The following CTNNA3 variants were observed in gnomAD, a reference collection of about 807,000 sequenced individuals.
The protein encoded by CTNNA3 is catenin alpha-3.
CTNNA3 carries 76 observed loss-of-function variants against 95.7 expected under a neutral mutation model. The ratio of observed to expected loss-of-function variants is 0.79; its 90% CI spans 0.66 to 0.96. CTNNA3 has a LOEUF of 0.96. CTNNA3 is among the 40% of genes least tolerant of loss of function. The pLI is 0.00. For missense variants in CTNNA3, 1,191 were observed against 1,089.8 expected (o/e 1.09, Z -1.31); for synonymous variants, 431 against 374.4 (o/e 1.15, Z -1.74).
intron 7 of CTNNA3, among the ~76,000 whole-genome samples, chr10:66,957,425 T>C (rs201743298): frequency 1.5e-4 from 4 of 26,618 alleles, no homozygotes; most frequent in Admixed American, 3.2e-4. Context: ...CATATATATA[T>C]ATGCATATAT....
At chr10:65,924,692 A>G (rs2077139756) in intron 17 of CTNNA3, among the ~76,000 whole-genome samples, 1 of 152,180 alleles carries the variant, frequency 6.6e-6, no homozygotes, top group Non-Finnish European at 1.5e-5. Flanking sequence ...TACCATTTTT[A>G]GAGAATCCCC....
At chr10:66,207,332 C>T (rs1195789429) in intron 13 of CTNNA3, among the ~76,000 whole-genome samples, 1 of 151,776 alleles carries the variant, frequency 6.6e-6, no homozygotes, top group Non-Finnish European at 1.5e-5. Flanking sequence ...TGTCTAGGTC[C>T]GTCATAGAAG....
At chr10:66,480,366 A>T (rs1272164771) in intron 11 of CTNNA3, among the ~76,000 whole-genome samples, 1 of 150,284 alleles carries the variant, frequency 6.7e-6, no homozygotes, top group Non-Finnish European at 1.5e-5. Flanking sequence ...TTATTTGCTA[A>T]CTTGATGTTC....
chr10:67,545,493 A>G (rs1840820550), intron 3 of CTNNA3, among the ~76,000 whole-genome samples: 1 of 152,114 alleles, frequency 6.6e-6, no homozygotes, highest in Non-Finnish European at 1.5e-5. Flanking sequence ...ATCAAATATA[A>G]GTGTAAAAAT....
intron 1 of CTNNA3, among the ~76,000 whole-genome samples, chr10:67,693,248 C>A (rs1443906773): frequency 6.6e-6 from 1 of 152,168 alleles, no homozygotes; most frequent in Non-Finnish European, 1.5e-5. Context: ...TCTGCAGCCT[C>A]AATTATCTGT....
chr10:66,819,382 A>C (rs907071321), intron 7 of CTNNA3, among the ~76,000 whole-genome samples: 6 of 152,154 alleles, frequency 3.9e-5, no homozygotes, highest in Admixed American at 2.0e-4. Context: ...GAAATTATAA[A>C]ATATTTATAA....
At chr10:66,328,775 G>A (rs1339870532) in intron 12 of CTNNA3, among the ~76,000 whole-genome samples, 1 of 150,992 alleles carries the variant, frequency 6.6e-6, no homozygotes, top group Non-Finnish European at 1.5e-5. Flanking sequence ...GCATCTGAAG[G>A]CCTGAGAACC....
At chr10:66,175,713 T>C (rs10822736) in intron 13 of CTNNA3, among the ~76,000 whole-genome samples, 55,045 of 152,056 alleles carry the variant, frequency 0.36, 10,710 homozygotes, top group South Asian at 0.54. Flanking sequence ...TGCAGATTAA[T>C]TTCCCTTCCA....
chr10:66,743,167 C>T (rs577640795), intron 9 of CTNNA3, among the ~76,000 whole-genome samples: 57 of 152,198 alleles, frequency 3.7e-4, no homozygotes, highest in South Asian at 1.0e-3. Flanking sequence ...TCCCCACTGG[C>T]TGATTATAAT....
intron 7 of CTNNA3, among the ~76,000 whole-genome samples, chr10:66,807,742 A>G (rs1841711483): frequency 6.6e-6 from 1 of 152,174 alleles, no homozygotes; most frequent in Non-Finnish European, 1.5e-5. Flanking sequence ...CAAAATTCAG[A>G]GTTAAAAAGT....
Position 66,698,685 on chromosome 10 carries a change from A to C in CTNNA3, c.1281+67579T>G, listed in dbSNP as rs72800762. 5.6e-3 allele frequency among the ~76,000 whole-genome samples: 855 copies of C among 152,336 alleles called. 4 individuals carry two copies. The highest frequency in any genetic ancestry group is 9.7e-3 in the Non-Finnish European group (660 of 68,034). ...GACAAAATGAAATCCTGAACTAATA[A>C]ATAGCTCTGTACTGATATCAGGCCC... On this transcript the variant is annotated intron_variant, in intron 9 of 17. Transcript: ENST00000433211.
chr10:66,287,933 G>A (rs1326895897), intron 12 of CTNNA3, among the ~76,000 whole-genome samples: 1 of 151,988 alleles, frequency 6.6e-6, no homozygotes, highest in Non-Finnish European at 1.5e-5. Flanking sequence ...AGAGAGTATT[G>A]AGACAATATG....
In CTNNA3 at chr10:66,835,061, T is replaced by G. The variant is rs556771851; in HGVS notation, c.1048-59537A>C. Among the ~76,000 whole-genome samples, 20 of 152,294 alleles carry G rather than the reference T, an allele frequency of 1.3e-4. No homozygotes were observed. In the South Asian group the frequency reaches 4.1e-3, roughly 32 times the overall value. On this transcript the variant is annotated intron_variant, in intron 7 of 17. Coordinates refer to ENST00000433211, the MANE Select transcript of CTNNA3 (RefSeq NM_013266.4). Reference sequence around the variant, plus strand: ...TGACACAATAGCAAAGTACTAAGCCTGTAAAAACTTAGTAAGACAAGGAAG... The same window carrying G: ...TGACACAATAGCAAAGTACTAAGCCGGTAAAAACTTAGTAAGACAAGGAAG...
At chr10:66,261,559 CA>C (rs780873327) in intron 13 of CTNNA3, among the ~76,000 whole-genome samples, 15 of 152,100 alleles carry the variant, frequency 9.9e-5, no homozygotes, top group Non-Finnish European at 1.9e-4. Flanking sequence ...AAGGCATTCT[CA>C]GGGGTTAACA....
intron 13 of CTNNA3, among the ~76,000 whole-genome samples, chr10:66,190,003 A>G (rs2086584604): frequency 6.6e-6 from 1 of 152,118 alleles, no homozygotes; most frequent in Admixed American, 6.6e-5. Flanking sequence ...AAGGAAAATA[A>G]TTTTTAAAGA....
intron 13 of CTNNA3, among the ~76,000 whole-genome samples, chr10:66,154,719 C>CACATATATATATATATATATAT (rs1554870345): frequency 1.3e-5 from 1 of 74,812 alleles, no homozygotes; most frequent in African/African-American, 5.5e-5. Context: ...TGAAAAAGTT[C>CACATATATATATATATATATAT]ATATATATAT....
intron 14 of CTNNA3, among the ~76,000 whole-genome samples, chr10:66,077,524 A>G (rs950270553): frequency 5.9e-5 from 9 of 151,874 alleles, no homozygotes; most frequent in African/African-American, 1.9e-4. Flanking sequence ...CATTTTACCA[A>G]TAAAAATTAA....
chr10:67,015,465 C>T (rs1852598021), intron 7 of CTNNA3: 1 of 152,138 alleles, frequency 6.6e-6, no homozygotes, highest in African/African-American at 2.4e-5. Context: ...CATACTTCCC[C>T]TCCTTCAGAA....
intron 7 of CTNNA3, among the ~76,000 whole-genome samples, chr10:66,828,704 C>T (rs1201411942): frequency 3.9e-5 from 6 of 152,214 alleles, no homozygotes; most frequent in African/African-American, 1.4e-4. Context: ...ACAGCTTCAT[C>T]ATTTTATTAA....
Sources: gnomAD v4.1 joint callset for allele counts (sites outside exome capture counted in the v4.1 genomes callset) on GRCh38, gnomAD v4.1.1 for gene constraint, MANE v1.5 for transcripts, NCBI Gene and HGNC (gene_info 2026-07-23, HGNC 2026-07-21) for gene names.